The following KIZ variants were observed in gnomAD, a reference collection of about 807,000 sequenced individuals.
KIZ encodes kizuna centrosomal protein.
A neutral mutation model predicts 79.6 loss-of-function variants in KIZ; 68 were observed. The observed-to-expected ratio is 0.85, with a 90% CI of 0.70 to 1.05. The LOEUF is 1.05. Ranked by LOEUF, KIZ falls within the 50% of genes least tolerant of loss-of-function variation. The probability of loss-of-function intolerance (pLI) is 0.00; values close to 1 mark genes in which losing one functional copy is unlikely to be tolerated. For missense variants in KIZ, 797 were observed against 800.4 expected (o/e 1.00, Z 0.05); for synonymous variants, 280 against 281.8 (o/e 0.99, Z 0.06).
rs904328689 is a variant in KIZ at position 21,240,297 on chromosome 20, G to A, written c.1881-3948G>A. On this transcript the variant is annotated intron_variant, in intron 11 of 12. Coordinates refer to ENST00000619189, the MANE Select transcript of KIZ (RefSeq NM_018474.6). ...ATAGCACCATGCCTGGCTAATTTTT[G>A]TATTATTAGTAGAGACAGGGTTTCA... Among the ~76,000 whole-genome samples, 10 of 152,026 alleles carry A rather than the reference G, an allele frequency of 6.6e-5. No homozygotes were observed. The South Asian group carries it at 1.5e-3, about 22-fold the overall frequency.
At chr20:21,215,700 A>G (rs1440828695) in intron 9 of KIZ, 52 bp downstream of exon 9, 10 of 1,270,298 alleles carry the variant, frequency 7.9e-6, no homozygotes, top group African/African-American at 1.5e-5. Context: ...GCATTATTAT[A>G]TAAGCGGAAC....
chr20:21,240,569 C>G (rs2037180192), intron 11 of KIZ, among the ~76,000 whole-genome samples: 1 of 152,256 alleles, frequency 6.6e-6, no homozygotes, highest in Non-Finnish European at 1.5e-5. Flanking sequence ...AGTCTGCCCT[C>G]TGGGGTTCCA....
At chr20:21,135,435 C>T (rs1568906671) in intron 2 of KIZ, among the ~76,000 whole-genome samples, 1 of 152,182 alleles carries the variant, frequency 6.6e-6, no homozygotes, top group Admixed American at 6.5e-5. Context: ...AAAATGAAGA[C>T]AGCCAACCAT....
chr20:21,215,575 A>C lies in KIZ; in HGVS notation c.1613-8A>C. ...ATACTTTTTTTTTATTATGCATTCA[A>C]TTTTTAGAAGTTTCAAGTGGCTGTG... On this transcript the variant is annotated splice_polypyrimidine_tract_variant and splice_region_variant and intron_variant, in intron 8 of 12. Coordinates refer to ENST00000619189, the MANE Select transcript of KIZ (RefSeq NM_018474.6). The C allele has an allele frequency of 2.5e-6, 4 of 1,573,882 alleles. No individual in the cohort carries two copies. Among genetic ancestry groups the C allele is most frequent in the Non-Finnish European group, 3.5e-6 (4 of 1,149,226 alleles).
intron 6 of KIZ, among the ~76,000 whole-genome samples, chr20:21,179,566 C>G (rs185401198): frequency 1.1e-3 from 162 of 151,538 alleles, no homozygotes; most frequent in Non-Finnish European, 5.8e-4. Flanking sequence ...TTTGTATTCT[C>G]TTTTTCATTT....
chr20:21,182,894 G>T (rs1310060268), intron 6 of KIZ, among the ~76,000 whole-genome samples: 5 of 149,710 alleles, frequency 3.3e-5, no homozygotes, highest in Non-Finnish European at 7.4e-5. Flanking sequence ...CTTTAAATAT[G>T]TGCTCAAGAG....
chr20:21,145,293 G>GTA (rs201148859), intron 3 of KIZ, among the ~76,000 whole-genome samples: 3,420 of 151,640 alleles, frequency 0.023, 59 homozygotes, highest in Middle Eastern at 0.048. Flanking sequence ...ATATACATGT[G>GTA]TATATATATA....
intron 6 of KIZ, among the ~76,000 whole-genome samples, chr20:21,191,172 C>G (rs1475770160): frequency 6.6e-6 from 1 of 152,190 alleles, no homozygotes; most frequent in Admixed American, 6.5e-5. Flanking sequence ...ATTTATTCAA[C>G]AAATAGTTAC....
chr20:21,241,796 A>G (rs1164839373), intron 11 of KIZ, among the ~76,000 whole-genome samples: 1 of 152,186 alleles, frequency 6.6e-6, no homozygotes, highest in Non-Finnish European at 1.5e-5. Context: ...GTGACGACTA[A>G]CACACACTCG....
intron 6 of KIZ, among the ~76,000 whole-genome samples, chr20:21,164,365 C>G (rs1328457342): frequency 6.6e-6 from 1 of 152,164 alleles, no homozygotes; most frequent in Non-Finnish European, 1.5e-5. Context: ...GATGGAAGAA[C>G]CGACATGGTT....
At chr20:21,147,961 T>TTGTGTGTGTGTGTGTGTGTG (rs61333547) in intron 4 of KIZ, among the ~76,000 whole-genome samples, 66 of 141,130 alleles carry the variant, frequency 4.7e-4, no homozygotes, top group Admixed American at 1.4e-3. Flanking sequence ...CTCCTGGAAT[T>TTGTGTGTGTGTGTGTGTGTG]TGTGTGTGTG....
In KIZ at chr20:21,246,488, A is replaced by T. The variant is rs866360225; in HGVS notation, c.1934A>T (p.Asp645Val). 6.2e-7 allele frequency: 1 copy of T among 1,602,066 alleles called. No individual in the cohort carries two copies. Among genetic ancestry groups the T allele is most frequent in the Non-Finnish European group, 8.6e-7 (1 of 1,169,396 alleles). ...VINLKSNALW[D>V]ESDDSNSEIE... is the part of the protein sequence containing the mutation. ...TGGTTTTATTTTCCAGCCCTCTGGG[A>T]TGAGTCTGATGACAGTAACTCAGAA... Residue 645 changes from aspartate (D) to valine (V), a missense_variant, in exon 13 of 13, where the codon GAT (aspartate) becomes GTT (valine). Physicochemically the swap from Asp to Val is radical, Grantham distance 152. Coordinates refer to ENST00000619189, the MANE Select transcript of KIZ (RefSeq NM_018474.6).
intron 4 of KIZ, among the ~76,000 whole-genome samples, 171 bp downstream of exon 4, chr20:21,145,825 A>G (rs910406654): frequency 5.9e-5 from 9 of 152,184 alleles, no homozygotes; most frequent in African/African-American, 2.2e-4. Context: ...GTCTAATTTA[A>G]TTAAGTTTGC....
At chr20:21,126,010 G>C (rs1334989128), upstream of KIZ, 6 of 1,329,598 alleles carry the variant, frequency 4.5e-6, no homozygotes, top group South Asian at 9.2e-5. Flanking sequence ...CCTGCAGGCG[G>C]CCCGGCGCGG....
At chr20:21,128,463 C>CA (rs369705376) in intron 1 of KIZ, among the ~76,000 whole-genome samples, 14 of 150,616 alleles carry the variant, frequency 9.3e-5, no homozygotes, top group East Asian at 7.8e-4. Context: ...AAGTGGGAGA[C>CA]AAAAAAAAAC....
chr20:21,207,778 G>A (rs1292929469), intron 7 of KIZ, among the ~76,000 whole-genome samples: 2 of 151,778 alleles, frequency 1.3e-5, no homozygotes, highest in African/African-American at 2.4e-5. Context: ...ATCTCGGCTC[G>A]CTGCCACCAG....
intron 6 of KIZ, chr20:21,196,504 T>A (rs2035350015): frequency 6.6e-6 from 1 of 152,264 alleles, no homozygotes; most frequent in Non-Finnish European, 1.5e-5. Context: ...TGGGACCTCT[T>A]AAGGGCAGCT....
In KIZ at chr20:21,228,320, G is replaced by A. The variant is rs1010049642; in HGVS notation, c.1679-691G>A. On this transcript the variant is annotated intron_variant, in intron 9 of 12. Transcript: ENST00000619189. ...AGGTTGTGTCACTCAGGTTCTTTACGTATTTTTGTTTACTGTTTTTCCCAA... is the reference window on the plus strand; with the variant it reads ...AGGTTGTGTCACTCAGGTTCTTTACATATTTTTGTTTACTGTTTTTCCCAA... Among the ~76,000 whole-genome samples the A allele has an allele frequency of 3.9e-5, 6 of 152,222 alleles. No homozygotes were observed. The South Asian group carries it at 8.3e-4, about 21-fold the overall frequency.
chr20:21,175,105 T>C (rs78854462), intron 6 of KIZ, among the ~76,000 whole-genome samples: 3,044 of 152,268 alleles, frequency 0.02, 105 homozygotes, highest in African/African-American at 0.068. Flanking sequence ...ACACAGATTC[T>C]GTCCTTTGTT....
Sources: gnomAD v4.1 joint callset for allele counts (sites outside exome capture counted in the v4.1 genomes callset) on GRCh38, gnomAD v4.1.1 for gene constraint, MANE v1.5 for transcripts, NCBI Gene and HGNC (gene_info 2026-07-23, HGNC 2026-07-21) for gene names.